The following ASCC2 variants were observed in gnomAD, a reference collection of about 807,000 sequenced individuals.
ASCC2 encodes the protein ASC-1 complex subunit P100.
ASCC2 carries 42 observed loss-of-function variants against 93.5 expected under a neutral mutation model. That is an observed-to-expected ratio of 0.45 (90% confidence interval 0.35 to 0.58). The LOEUF is 0.58. ASCC2 is among the 20% of genes least tolerant of loss of function. ASCC2 has a pLI of 0.00. For synonymous variants in ASCC2, 364 were observed against 384.2 expected, an observed-to-expected ratio of 0.95 and a Z score of 0.62; for missense variants, 859 against 977.6, an observed-to-expected ratio of 0.88 and a Z score of 1.62.
chr22:29,831,259 G>C (rs1163217549), intron 2 of ASCC2, among the ~76,000 whole-genome samples: 1 of 152,186 alleles, frequency 6.6e-6, no homozygotes, highest in Non-Finnish European at 1.5e-5. Context: ...CTTTATAGCA[G>C]AAAGAATTTA....
rs753858218 is a variant in ASCC2, at chr22:29,806,283, G to T, written c.1093C>A (p.Arg365=). The change falls in exon 12 of 20, where the codon CGG becomes AGG. Residue 365 remains arginine, a synonymous_variant. Coordinates refer to ENST00000307790, the MANE Select transcript of ASCC2 (RefSeq NM_032204.5). ...ACGGGGAAGAGTGCATCATAGTCCC[G>T]GAGGAACCTGCAGGCAGATGAGAGC... The part of the protein sequence containing the change: ...SSLLQEKRFL[R]DYDALFPVAE... 2.5e-6 allele frequency: 4 copies of T among 1,614,088 alleles called. No individual in the cohort carries two copies. The African/African-American group carries it at 5.3e-5, about 22-fold the overall frequency.
At chr22:29,790,620 G>T in intron 18 of ASCC2, 72 bp from the exon 19 acceptor site, 3 of 1,485,300 alleles carry the variant, frequency 2.0e-6, no homozygotes, top group Non-Finnish European at 2.8e-6. Flanking sequence ...ATGAGGCCCT[G>T]CTCAAGTGAA....
intron 1 of ASCC2, among the ~76,000 whole-genome samples, chr22:29,835,348 T>C (rs1437705234): frequency 6.6e-6 from 1 of 151,478 alleles, no homozygotes; most frequent in Non-Finnish European, 1.5e-5. Context: ...CAGTAAGCCA[T>C]GATGGCACCA....
chr22:29,806,119 C>T, intron 12 of ASCC2, 97 bp downstream of exon 12: 1 of 1,384,962 alleles, frequency 7.2e-7, no homozygotes, highest in Admixed American at 1.7e-5. Context: ...CGTTCTGGGG[C>T]TAAACCTCTT....
At chr22:29,791,894 C>T (rs1273501071) in intron 18 of ASCC2, among the ~76,000 whole-genome samples, 8 of 152,338 alleles carry the variant, frequency 5.3e-5, no homozygotes, top group East Asian at 1.9e-4. Context: ...CCGTTGGTGA[C>T]CTGGCCCCAG....
At chr22:29,807,707 A>C (rs1371098598) in intron 9 of ASCC2, among the ~76,000 whole-genome samples, 3 of 152,108 alleles carry the variant, frequency 2.0e-5, no homozygotes, top group African/African-American at 7.2e-5. Flanking sequence ...AATGCAGTTC[A>C]AGACCAGCCT....
intron 1 of ASCC2, among the ~76,000 whole-genome samples, chr22:29,833,123 C>T (rs766267892): frequency 6.6e-6 from 1 of 152,118 alleles, no homozygotes; most frequent in Non-Finnish European, 1.5e-5. Flanking sequence ...TATGTAGATT[C>T]CCTTTATTAT....
intron 13 of ASCC2, 46 bp downstream of exon 13, chr22:29,804,592 C>A (rs767528942): frequency 1.3e-6 from 2 of 1,595,502 alleles, no homozygotes; most frequent in Admixed American, 1.7e-5. Flanking sequence ...CAGATAGGGC[C>A]AAGGAGGGAC....
rs774867288 is a variant in ASCC2, at chr22:29,808,179, A to T, written c.840T>A (p.Ala280=). 9 of 1,614,104 alleles carry T rather than the reference A, an allele frequency of 5.6e-6. No individual in the cohort carries two copies. Among genetic ancestry groups the T allele is most frequent in the African/African-American group, 2.7e-5 (2 of 74,956 alleles). Residue 280 remains alanine, a synonymous_variant, in exon 9 of 20, where the codon GCT becomes GCA. Coordinates refer to ENST00000307790, the MANE Select transcript of ASCC2 (RefSeq NM_032204.5). The part of the protein sequence containing the change: ...FQKHDFCYRL[A]SFYEAAIPEM... ...CGGGAATTGCTGCTTCGTAGAAGGA[A>T]GCTAGTCTGTGCAGGCACACACAGG...
At chr22:29,806,631 C>G in intron 10 of ASCC2, 78 bp from the exon 11 acceptor site, 1 of 1,493,164 alleles carries the variant, frequency 6.7e-7, no homozygotes, top group Non-Finnish European at 9.3e-7. Context: ...CGCTGCCCCT[C>G]TTTAAGGCTG....
At chr22:29,792,787 G>A (rs959722600) in intron 17 of ASCC2, among the ~76,000 whole-genome samples, 1 of 152,082 alleles carries the variant, frequency 6.6e-6, no homozygotes, top group South Asian at 2.1e-4. Context: ...AGTCGGGACA[G>A]CTCTGCTTGG....
At chr22:29,824,436 G>A (rs889100400) in intron 4 of ASCC2, among the ~76,000 whole-genome samples, 8 of 151,968 alleles carry the variant, frequency 5.3e-5, no homozygotes, top group African/African-American at 1.9e-4. Flanking sequence ...GAAACATAGC[G>A]AGACCTCGTC....
intron 6 of ASCC2, 53 bp from the exon 7 acceptor site, chr22:29,814,820 C>A (rs1230811452): frequency 2.1e-6 from 3 of 1,441,706 alleles, no homozygotes. Flanking sequence ...AGGGCTAGGA[C>A]CCCTGGCAGC....
At chr22:29,794,163 G>A (rs2058127930) in intron 15 of ASCC2, among the ~76,000 whole-genome samples, 1 of 151,282 alleles carries the variant, frequency 6.6e-6, no homozygotes, top group Non-Finnish European at 1.5e-5. Flanking sequence ...GGGATTACAG[G>A]TGTGAGCCGC....
intron 2 of ASCC2, among the ~76,000 whole-genome samples, chr22:29,828,959 G>A (rs2062784482): frequency 6.6e-6 from 1 of 152,158 alleles, no homozygotes; most frequent in South Asian, 2.1e-4. Context: ...CCCATCACTT[G>A]AGGCCAGGAG....
Position 29,825,787 on chromosome 22 carries a change from A to G in ASCC2, c.82-7T>C. On this transcript the variant is annotated splice_polypyrimidine_tract_variant and splice_region_variant and intron_variant, in intron 2 of 19. Transcript: ENST00000307790. The surrounding 1 kb of genome is among the most constrained non-coding windows in gnomAD (Gnocchi z 4.9). ...CTGCCTTCTGCTCGGGGTGCTACGGATCCAAAAACCACGTGTTAACGTGGC... is the reference window on the plus strand; with the variant it reads ...CTGCCTTCTGCTCGGGGTGCTACGGGTCCAAAAACCACGTGTTAACGTGGC... 1 of 1,600,284 alleles carries G rather than the reference A, an allele frequency of 6.2e-7. No homozygotes were observed. The highest frequency in any genetic ancestry group is 8.5e-7 in the Non-Finnish European group (1 of 1,170,404).
At chr22:29,818,847 C>T (rs1204242463) in intron 5 of ASCC2, among the ~76,000 whole-genome samples, 3 of 152,150 alleles carry the variant, frequency 2.0e-5, no homozygotes, top group East Asian at 3.9e-4. Context: ...CTTTTTCCTG[C>T]AACCAACACC....
At chr22:29,829,174 C>CA (rs200530011) in intron 2 of ASCC2, among the ~76,000 whole-genome samples, 2,550 of 149,136 alleles carry the variant, frequency 0.017, 74 homozygotes, top group African/African-American at 0.06. Flanking sequence ...GACTCCACCT[C>CA]AAAAAAAAAA....
intron 5 of ASCC2, among the ~76,000 whole-genome samples, chr22:29,819,255 G>C (rs942030345): frequency 6.6e-6 from 1 of 152,094 alleles, no homozygotes; most frequent in Non-Finnish European, 1.5e-5. Flanking sequence ...CCGCCTCCCA[G>C]GTTCAAGCGA....
Sources: gnomAD v4.1 joint callset for allele counts (sites outside exome capture counted in the v4.1 genomes callset) on GRCh38, gnomAD v4.1.1 for gene constraint, Gnocchi (gnomAD v3.1) non-coding constraint, MANE v1.5 for transcripts, NCBI Gene and HGNC (gene_info 2026-07-23, HGNC 2026-07-21) for gene names.